LARGE1: variants seen among roughly 807,000 people sequenced by gnomAD.
The protein encoded by LARGE1 is LARGE xylosyl- and glucuronyltransferase 1.
LARGE1 carries 43 observed loss-of-function variants against 87.6 expected under a neutral mutation model. The ratio of observed to expected loss-of-function variants is 0.49; its 90% CI spans 0.38 to 0.63. The LOEUF (loss-of-function observed/expected upper bound fraction) is 0.63, where lower values mean the gene tolerates loss of function less well. Ranked by LOEUF, LARGE1 falls within the 30% of genes least tolerant of loss-of-function variation. The pLI is 0.00. For missense variants in LARGE1, 802 were observed against 1,000.2 expected (o/e 0.80, Z 2.67); for synonymous variants, 434 against 394.6 (o/e 1.10, Z -1.18).
chr22:33,596,436 A>T (rs539893766), intron 5 of LARGE1, among the ~76,000 whole-genome samples: 48 of 152,350 alleles, frequency 3.2e-4, no homozygotes, highest in South Asian at 1.0e-3. Flanking sequence ...ACCTTGCAGA[A>T]CCAGCCTTCG....
intron 11 of LARGE1, among the ~76,000 whole-genome samples, chr22:33,249,043 A>T (rs1349134213): frequency 6.6e-6 from 1 of 152,228 alleles, no homozygotes; most frequent in Non-Finnish European, 1.5e-5. Flanking sequence ...TCGTGTGGAC[A>T]TAAGTTTTCA....
At chr22:33,554,820 C>T (rs563327449) in intron 6 of LARGE1, among the ~76,000 whole-genome samples, 87 of 152,340 alleles carry the variant, frequency 5.7e-4, no homozygotes, top group African/African-American at 2.0e-3. Flanking sequence ...TTACCTTATT[C>T]CCCACCACTC....
chr22:33,883,686 C>T lies in LARGE1; in HGVS notation c.-83+36309G>A, dbSNP rs542374405. Among the ~76,000 whole-genome samples the T allele has an allele frequency of 2.8e-4, 42 of 152,366 alleles. 1 individual carries two copies. In the South Asian group the frequency reaches 7.2e-3, roughly 26 times the overall value. ...CTCTCTATTAGCAATTAAGAAATGG[C>T]CTGAAGGCCTTTGCACTGGCATGGG... is the stretch of plus-strand genomic sequence containing the variant. On this transcript the variant is annotated intron_variant, in intron 1 of 14. Coordinates refer to ENST00000397394, the MANE Select transcript of LARGE1 (RefSeq NM_133642.5).
intron 6 of LARGE1, among the ~76,000 whole-genome samples, chr22:33,526,264 G>A (rs2071889333): frequency 1.3e-5 from 2 of 152,224 alleles, no homozygotes; most frequent in Admixed American, 6.5e-5. Flanking sequence ...TTAGTGGAGA[G>A]CCTGTCTTAA....
chr22:33,419,609 T>C (rs2066620961), intron 7 of LARGE1, among the ~76,000 whole-genome samples: 1 of 152,186 alleles, frequency 6.6e-6, no homozygotes, highest in South Asian at 2.1e-4. Flanking sequence ...TCCAATTCCC[T>C]CAAAACTTGC....
At chr22:33,717,477 TCTC>T (rs1234414625) in intron 2 of LARGE1, among the ~76,000 whole-genome samples, 3 of 152,186 alleles carry the variant, frequency 2.0e-5, no homozygotes, top group Non-Finnish European at 4.4e-5. Context: ...ACCCAGTTCT[TCTC>T]CTCATCTACT....
chr22:33,710,511 C>T (rs1198233003), intron 2 of LARGE1, among the ~76,000 whole-genome samples: 3 of 152,184 alleles, frequency 2.0e-5, no homozygotes, highest in African/African-American at 7.2e-5. Flanking sequence ...TCGTCCCTGG[C>T]TGGCTGAAGA....
intron 6 of LARGE1, among the ~76,000 whole-genome samples, chr22:33,464,932 TACACATACACAC>T (rs1232872162): frequency 2.0e-4 from 30 of 150,832 alleles, no homozygotes; most frequent in African/African-American, 5.1e-4. Flanking sequence ...TACATGCACG[TACACATACACAC>T]ACACATACAC....
chr22:33,759,397 C>T (rs1404058200), intron 2 of LARGE1, among the ~76,000 whole-genome samples: 1 of 152,192 alleles, frequency 6.6e-6, no homozygotes, highest in Non-Finnish European at 1.5e-5. Context: ...GCTCTTGAGT[C>T]CAATCCAGGC....
chr22:33,454,682 T>C (rs2068063624), intron 6 of LARGE1, among the ~76,000 whole-genome samples: 1 of 150,882 alleles, frequency 6.6e-6, no homozygotes, highest in Admixed American at 6.6e-5. Flanking sequence ...CTGCAGGCTG[T>C]ACAGGAAGCA....
chr22:33,642,272 C>T (rs2080458154), intron 3 of LARGE1, among the ~76,000 whole-genome samples: 1 of 152,112 alleles, frequency 6.6e-6, no homozygotes, highest in African/African-American at 2.4e-5. Context: ...ATTTCATATC[C>T]AGCCAAACTG....
chr22:33,732,153 G>A (rs2083492618), intron 2 of LARGE1: 1 of 152,224 alleles, frequency 6.6e-6, no homozygotes, highest in African/African-American at 2.4e-5. Context: ...CTCTAGGCCT[G>A]AAGTGGTCCC....
intron 1 of LARGE1, among the ~76,000 whole-genome samples, chr22:33,912,957 A>G (rs907329510): frequency 2.0e-5 from 3 of 151,854 alleles, no homozygotes; most frequent in Admixed American, 6.6e-5. Context: ...CAGCCTCCCG[A>G]GTAGCTGGGA....
chr22:33,707,650 T>G lies in LARGE1; in HGVS notation c.106+53721A>C, dbSNP rs369560460. On this transcript the variant is annotated intron_variant, in intron 2 of 14. Transcript: ENST00000397394. ...AAGCTGCTTTAGAAAAGTGTCAATTTGTAAATTCTCCATTTGGCCCTGTCT... is the reference window on the plus strand; with the variant it reads ...AAGCTGCTTTAGAAAAGTGTCAATTGGTAAATTCTCCATTTGGCCCTGTCT... Among the ~76,000 whole-genome samples, 3 of 152,346 alleles carry G rather than the reference T, an allele frequency of 2.0e-5. No homozygotes were observed. The East Asian group carries it at 5.8e-4, about 29-fold the overall frequency.
At chr22:33,466,429 A>G (rs747698574) in intron 6 of LARGE1, among the ~76,000 whole-genome samples, 2 of 149,712 alleles carry the variant, frequency 1.3e-5, no homozygotes, top group African/African-American at 4.9e-5. Context: ...TGGGAAGTCT[A>G]TGACTTATTA....
At chr22:33,760,914 G>C (rs748325751) in intron 2 of LARGE1, among the ~76,000 whole-genome samples, 4 of 151,900 alleles carry the variant, frequency 2.6e-5, no homozygotes, top group African/African-American at 7.3e-5. Flanking sequence ...GCGAGACTCC[G>C]TCTCAAAAAA....
chr22:33,886,353 G>A (rs966883277), intron 1 of LARGE1, among the ~76,000 whole-genome samples: 1 of 152,170 alleles, frequency 6.6e-6, no homozygotes, highest in African/African-American at 2.4e-5. Context: ...TCTAGTTTGG[G>A]CTTAAACTGT....
chr22:33,516,806 G>A (rs1458883101), intron 6 of LARGE1, among the ~76,000 whole-genome samples: 2 of 151,990 alleles, frequency 1.3e-5, no homozygotes, highest in Non-Finnish European at 2.9e-5. Flanking sequence ...GGATGGTCTC[G>A]ATCTCTTGAC....
intron 12 of LARGE1, among the ~76,000 whole-genome samples, chr22:33,289,988 G>A (rs1422735929): frequency 6.6e-6 from 1 of 152,116 alleles, no homozygotes; most frequent in Non-Finnish European, 1.5e-5. Flanking sequence ...CAAATGAAGG[G>A]GTAGGGGTGG....
Sources: gnomAD v4.1 joint callset for allele counts (sites outside exome capture counted in the v4.1 genomes callset) on GRCh38, gnomAD v4.1.1 for gene constraint, MANE v1.5 for transcripts, NCBI Gene and HGNC (gene_info 2026-07-23, HGNC 2026-07-21) for gene names.